The following SCAMP2 variants were observed in gnomAD, a reference collection of about 807,000 sequenced individuals.
SCAMP2 encodes secretory carrier-associated membrane protein 2.
Under a neutral mutation model 44.1 loss-of-function variants are expected in SCAMP2, and 25 were observed. The observed-to-expected ratio is 0.57, with a 90% CI of 0.41 to 0.79. The LOEUF is 0.79. Ranked by LOEUF, SCAMP2 falls within the 30% of genes least tolerant of loss-of-function variation. SCAMP2 has a pLI of 0.00. For synonymous variants in SCAMP2, 156 were observed against 166.0 expected (o/e 0.94, Z 0.46); for missense variants, 355 against 411.0 (o/e 0.86, Z 1.18).
chr15:74,868,397 T>C (rs2064556008), intron 1 of SCAMP2, among the ~76,000 whole-genome samples: 1 of 151,558 alleles, frequency 6.6e-6, no homozygotes, highest in Admixed American at 6.6e-5. Flanking sequence ...GCACTGGGAG[T>C]TTCAAAGGAT....
chr15:74,868,525 G>C (rs1035817558), intron 1 of SCAMP2, among the ~76,000 whole-genome samples: 2 of 152,120 alleles, frequency 1.3e-5, no homozygotes, highest in Non-Finnish European at 2.9e-5. Context: ...CAAACTAACA[G>C]GCCTTGTGAA....
intron 3 of SCAMP2, chr15:74,853,104 T>C (rs1446454456): frequency 3.4e-6 from 1 of 297,084 alleles, no homozygotes; most frequent in African/African-American, 2.2e-5. Context: ...AAGGCTGACG[T>C]GGAGAGCCAA....
intron 7 of SCAMP2, among the ~76,000 whole-genome samples, chr15:74,847,376 G>A (rs1312191582): frequency 1.3e-5 from 2 of 152,316 alleles, no homozygotes; most frequent in African/African-American, 2.4e-5. Flanking sequence ...TTACAGGCAT[G>A]AGCCACCGCA....
intron 1 of SCAMP2, among the ~76,000 whole-genome samples, chr15:74,858,894 G>A (rs1479741552): frequency 7.1e-6 from 1 of 141,756 alleles, no homozygotes; most frequent in Non-Finnish European, 1.5e-5. Flanking sequence ...CTCACTGCAA[G>A]CTCTCCCGGG....
intron 2 of SCAMP2, 29 bp downstream of exon 2, chr15:74,854,552 G>A (rs776391404): frequency 3.9e-5 from 61 of 1,570,772 alleles, no homozygotes; most frequent in Non-Finnish European, 4.1e-5. Context: ...GAGGGCCATG[G>A]GACTTGGAAA....
intron 7 of SCAMP2, among the ~76,000 whole-genome samples, chr15:74,845,837 G>T (rs920692945): frequency 7.9e-5 from 12 of 152,204 alleles, no homozygotes; most frequent in African/African-American, 2.7e-4. Flanking sequence ...TGAAAGGGAG[G>T]ATGTGGTTGC....
At chr15:74,863,555 C>T (rs11630918) in intron 1 of SCAMP2, among the ~76,000 whole-genome samples, 54,657 of 151,666 alleles carry the variant, frequency 0.36, 12,483 homozygotes, top group Non-Finnish European at 0.52. Flanking sequence ...ACTCAGGCCT[C>T]GCTTCCTGCC....
chr15:74,865,380 C>CA (rs71140104), intron 1 of SCAMP2, among the ~76,000 whole-genome samples: 58,690 of 108,378 alleles, frequency 0.54, 13,606 homozygotes, highest in Non-Finnish European at 0.6. Context: ...GACTTTGTCT[C>CA]AAAAAAAAAA....
chr15:74,869,527 C>T (rs756261360), intron 1 of SCAMP2, among the ~76,000 whole-genome samples: 3 of 152,156 alleles, frequency 2.0e-5, no homozygotes, highest in Non-Finnish European at 4.4e-5. Context: ...CAGTTTAACA[C>T]CAATGTCTGA....
In SCAMP2 at chr15:74,845,227, A is replaced by C; in HGVS notation, c.856-10T>G. The C allele has an allele frequency of 6.2e-7, 1 of 1,611,088 alleles. No individual in the cohort carries two copies. The highest frequency in any genetic ancestry group is 8.5e-7 in the Non-Finnish European group (1 of 1,179,656). On this transcript the variant is annotated splice_polypyrimidine_tract_variant and intron_variant, in intron 8 of 8. Coordinates refer to ENST00000268099, the MANE Select transcript of SCAMP2 (RefSeq NM_005697.5). ...GGTAGAGGGAGTGCACCTGGCGAAGAGGGGTGGGGTGAGAGAAGCCTGTCC... is the reference window on the plus strand; with the variant it reads ...GGTAGAGGGAGTGCACCTGGCGAAGCGGGGTGGGGTGAGAGAAGCCTGTCC...
rs762444069 is a variant in SCAMP2, at chr15:74,845,475, G to A, written c.853C>T (p.Arg285Trp). ...TCAGCCCTGCCCACACCACTCACCCGCTGCAGGAGGAAGACTGAGAGCACG... is the reference window on the plus strand; with the variant it reads ...TCAGCCCTGCCCACACCACTCACCCACTGCAGGAGGAAGACTGAGAGCACG... The part of the protein sequence containing the change: ...CAVLSVFLLQ[R>W]VHSLYRRTGA... The change falls in exon 8 of 9, where the codon CGG (arginine) becomes TGG (tryptophan). Residue 285 changes from arginine (R) to tryptophan (W), a missense_variant and splice_region_variant. By Grantham distance (101) the Arg-to-Trp change is moderately radical (BLOSUM62 -3). Coordinates refer to ENST00000268099, the MANE Select transcript of SCAMP2 (RefSeq NM_005697.5). The A allele has an allele frequency of 8.7e-6, 14 of 1,613,974 alleles. No individual in the cohort carries two copies. Among genetic ancestry groups the A allele is most frequent in the African/African-American group, 2.7e-5 (2 of 74,916 alleles).
chr15:74,845,008 A>AC lies in SCAMP2; in HGVS notation c.*74dup. The AC allele has an allele frequency of 6.5e-7, 1 of 1,532,788 alleles. No individual in the cohort carries two copies. The highest frequency in any genetic ancestry group is 2.3e-5 in the East Asian group (1 of 44,128). 94.9% of individuals were successfully genotyped at this position (1,532,788 alleles called of 1,614,324 possible). On this transcript the variant is annotated 3_prime_UTR_variant, in exon 9 of 9. Transcript: ENST00000268099. ...GTCTGTGCTGGGCACAACCACCACC[A>AC]CATAAGGCACCCACGGAAAGTGCAG...
intron 1 of SCAMP2, among the ~76,000 whole-genome samples, chr15:74,858,839 G>A (rs1444877123): frequency 7.3e-6 from 1 of 136,372 alleles, no homozygotes; most frequent in African/African-American, 2.8e-5. Context: ...TTGAGACGGA[G>A]TCTTGCTCTG....
rs374249191 is a variant in SCAMP2 at position 74,850,560 on chromosome 15, G to A, written c.586C>T (p.Pro196Ser). ...CGGTACCAACAAAGGAAGGCACAGG[G>A]AGTGAAGATCAGAAACCACAGGATG... ...LSILWFLIFTPCAFLCWYRPI... is the reference protein window; with the variant it reads ...LSILWFLIFTSCAFLCWYRPI... Residue 196 changes from proline to serine, a missense_variant, in exon 6 of 9, where the codon CCC (proline) becomes TCC (serine). Transcript: ENST00000268099. The A allele has an allele frequency of 1.2e-5, 19 of 1,614,030 alleles. No individual in the cohort carries two copies. In the African/African-American group the frequency reaches 2.0e-4, roughly 17 times the overall value.
chr15:74,847,882 A>G (rs1008442978), intron 7 of SCAMP2, among the ~76,000 whole-genome samples: 36 of 152,148 alleles, frequency 2.4e-4, no homozygotes, highest in African/African-American at 8.2e-4. Flanking sequence ...TTAAGTTACA[A>G]GGCATCTGGA....
intron 1 of SCAMP2, among the ~76,000 whole-genome samples, chr15:74,869,933 A>T (rs2064564401): frequency 6.6e-6 from 1 of 152,182 alleles, no homozygotes; most frequent in Admixed American, 6.5e-5. Context: ...CCAACGTCCT[A>T]GCCCTGGCAG....
At position 74,844,634 on chromosome 15, in the gene SCAMP2, C is replaced by G. The variant is rs2064377964; in HGVS notation, c.*449G>C. ...ACCAGAACCTGTGAGAGGCTTATTC[C>G]CAGCCCAGGCAGGAAGGACTGGGCT... On this transcript the variant is annotated 3_prime_UTR_variant, in exon 9 of 9. Coordinates refer to ENST00000268099, the MANE Select transcript of SCAMP2 (RefSeq NM_005697.5). 1 of 157,174 alleles carries G rather than the reference C, an allele frequency of 6.4e-6. No individual in the cohort carries two copies. Among genetic ancestry groups the G allele is most frequent in the Admixed American group, 6.1e-5 (1 of 16,368 alleles). 9.7% of individuals were successfully genotyped at this position (157,174 alleles called of 1,614,324 possible). A position where few individuals can be genotyped will look rare whatever the true frequency, so the allele number is the denominator to read the frequency against.
At chr15:74,855,292 C>A (rs1300953342) in intron 1 of SCAMP2, among the ~76,000 whole-genome samples, 3 of 151,828 alleles carry the variant, frequency 2.0e-5, no homozygotes, top group Non-Finnish European at 4.4e-5. Context: ...TTAGTAGAGA[C>A]AGGGTTTCAC....
chr15:74,862,351 C>G (rs1469746609), intron 1 of SCAMP2, among the ~76,000 whole-genome samples: 2 of 146,416 alleles, frequency 1.4e-5, no homozygotes, highest in African/African-American at 5.0e-5. Flanking sequence ...CCAAGGTGGG[C>G]AGATCACTTG....
Sources: gnomAD v4.1 joint callset for allele counts (sites outside exome capture counted in the v4.1 genomes callset) on GRCh38, gnomAD v4.1.1 for gene constraint, MANE v1.5 for transcripts, NCBI Gene and HGNC (gene_info 2026-07-23, HGNC 2026-07-21) for gene names.